CTIF: variants seen among roughly 807,000 people sequenced by gnomAD.
The protein encoded by CTIF is cap binding complex dependent translation initiation factor.
CTIF carries 21 observed loss-of-function variants against 66.0 expected under a neutral mutation model. The ratio of observed to expected loss-of-function variants is 0.32; its 90% CI spans 0.23 to 0.46. CTIF has a LOEUF of 0.46. Ranked by LOEUF, CTIF falls within the 20% of genes least tolerant of loss-of-function variation. The probability of loss-of-function intolerance (pLI) is 1.00; values close to 1 mark genes in which losing one functional copy is unlikely to be tolerated. For missense variants in CTIF, 739 were observed against 812.7 expected (o/e 0.91, Z 1.10); for synonymous variants, 345 against 326.4 (o/e 1.06, Z -0.62).
intron 9 of CTIF, among the ~76,000 whole-genome samples, chr18:48,807,600 A>G (rs1465484883): frequency 2.0e-4 from 18 of 89,408 alleles, no homozygotes. Context: ...TTTTTTTTTG[A>G]GACAGAGTCT....
At chr18:48,859,272 C>A in intron 11 of CTIF, 72 bp from the exon 12 acceptor site, 2 of 1,308,682 alleles carry the variant, frequency 1.5e-6, no homozygotes, top group Non-Finnish European at 2.2e-6. Context: ...CTATCCCTGC[C>A]CACCTAATCA....
chr18:48,666,569 C>A (rs117888384), intron 5 of CTIF, among the ~76,000 whole-genome samples: 2,456 of 152,314 alleles, frequency 0.016, 24 homozygotes, highest in Middle Eastern at 0.027. Flanking sequence ...TGGGGAGAGG[C>A]CCATCACTTG....
chr18:48,612,689 G>A (rs531428485), intron 1 of CTIF, among the ~76,000 whole-genome samples: 174 of 152,306 alleles, frequency 1.1e-3, no homozygotes, highest in Middle Eastern at 6.8e-3. Context: ...CCACAGCTCC[G>A]ATGCCACCTC....
intron 9 of CTIF, among the ~76,000 whole-genome samples, chr18:48,812,892 T>G (rs2146299375): frequency 6.6e-6 from 1 of 152,362 alleles, no homozygotes; most frequent in Admixed American, 6.5e-5. Context: ...TTATTTTCAG[T>G]GAGAAAGTTT....
rs1468736114 is a variant in CTIF at position 48,730,712 on chromosome 18, C to CTTCTGCGGTGTGAGGAGCCCCT, written c.584+19017_584+19018insTTCTGCGGTGTGAGGAGCCCCT. Among the ~76,000 whole-genome samples the CTTCTGCGGTGTGAGGAGCCCCT allele has an allele frequency of 3.4e-4, 24 of 71,232 alleles. 1 individual carries two copies. The highest frequency in any genetic ancestry group is 1.6e-3 in the African/African-American group (23 of 14,376). 46.7% of individuals were successfully genotyped at this position (71,232 alleles called of 152,430 possible). ...GAGCCCCTGAGGTGTGAGGGGCTTCCGCGGTGTGAGGGGCTTCCGTGGTGT... is the reference window on the plus strand; with the variant it reads ...GAGCCCCTGAGGTGTGAGGGGCTTCCTTCTGCGGTGTGAGGAGCCCCTGCGGTGTGAGGGGCTTCCGTGGTGT... On this transcript the variant is annotated intron_variant, in intron 7 of 11. Coordinates refer to ENST00000256413, the MANE Select transcript of CTIF (RefSeq NM_014772.3).
chr18:48,664,649 C>T, intron 5 of CTIF, 98 bp downstream of exon 5: 1 of 1,023,896 alleles, frequency 9.8e-7, no homozygotes, highest in Non-Finnish European at 1.5e-6. Flanking sequence ...ACAGGGGACT[C>T]AGGTGGCTGA....
chr18:48,745,825 A>G (rs933798528), intron 7 of CTIF, among the ~76,000 whole-genome samples: 2 of 152,140 alleles, frequency 1.3e-5, no homozygotes, highest in African/African-American at 4.8e-5. Context: ...GGGTTCCACT[A>G]TGCATGAAGC....
chr18:48,580,531 C>T (rs77106069), intron 1 of CTIF, among the ~76,000 whole-genome samples: 2,536 of 152,304 alleles, frequency 0.017, 81 homozygotes, highest in African/African-American at 0.058. Context: ...ACCTGTGTTG[C>T]TTTCTACACA....
intron 7 of CTIF, among the ~76,000 whole-genome samples, chr18:48,727,955 T>C (rs1198400427): frequency 6.6e-6 from 1 of 152,226 alleles, no homozygotes; most frequent in Non-Finnish European, 1.5e-5. Flanking sequence ...CCTGGATTTT[T>C]TTTTATTGTG....
At chr18:48,692,284 G>A (rs577335512) in intron 6 of CTIF, among the ~76,000 whole-genome samples, 3 of 151,566 alleles carry the variant, frequency 2.0e-5, no homozygotes, top group Non-Finnish European at 4.4e-5. Flanking sequence ...GCCACTCTGG[G>A]TGTTCATGGG....
chr18:48,592,412 G>A (rs1330157089), intron 1 of CTIF, among the ~76,000 whole-genome samples: 1 of 151,334 alleles, frequency 6.6e-6, no homozygotes, highest in Admixed American at 6.6e-5. Context: ...CAAGAGAATC[G>A]CTTGAACCCA....
At chr18:48,784,827 G>T (rs1361991704) in intron 9 of CTIF, among the ~76,000 whole-genome samples, 1 of 152,196 alleles carries the variant, frequency 6.6e-6, no homozygotes, top group East Asian at 1.9e-4. Context: ...GAGGACCGCT[G>T]GGCAGAGAAA....
chr18:48,715,773 T>C (rs1032101581), intron 7 of CTIF, among the ~76,000 whole-genome samples: 1 of 152,210 alleles, frequency 6.6e-6, no homozygotes, highest in Non-Finnish European at 1.5e-5. Context: ...TTTAAAGGCA[T>C]GCCTTTGGTG....
intron 1 of CTIF, among the ~76,000 whole-genome samples, chr18:48,577,362 C>A (rs909157545): frequency 2.6e-5 from 4 of 152,192 alleles, no homozygotes; most frequent in African/African-American, 4.8e-5. Context: ...ATGCGCCGTT[C>A]CTTCCCCGGC....
chr18:48,560,169 C>T (rs1015873642), intron 1 of CTIF, among the ~76,000 whole-genome samples: 9 of 151,602 alleles, frequency 5.9e-5, no homozygotes, highest in Non-Finnish European at 1.3e-4. Context: ...AGATTCAAGA[C>T]GGTGGGGACA....
intron 9 of CTIF, among the ~76,000 whole-genome samples, chr18:48,795,175 G>T (rs2067886943): frequency 6.6e-6 from 1 of 152,138 alleles, no homozygotes; most frequent in Non-Finnish European, 1.5e-5. Context: ...TTACTTGAAG[G>T]ATACTGTGTC....
At chr18:48,847,533 C>G (rs556098244) in intron 10 of CTIF, among the ~76,000 whole-genome samples, 1 of 152,268 alleles carries the variant, frequency 6.6e-6, no homozygotes, top group Admixed American at 6.5e-5. Flanking sequence ...GTGGCCTTTC[C>G]CTGTCTCCAC....
At chr18:48,603,827 G>T (rs182160479) in intron 1 of CTIF, among the ~76,000 whole-genome samples, 388 of 151,668 alleles carry the variant, frequency 2.6e-3, no homozygotes, top group African/African-American at 9.0e-3. Context: ...TCCAGATTCA[G>T]TGGGAGCCTA....
At chr18:48,664,351 G>C in intron 4 of CTIF, 96 bp from the exon 5 acceptor site, 1 of 1,120,846 alleles carries the variant, frequency 8.9e-7, no homozygotes, top group Non-Finnish European at 1.3e-6. Flanking sequence ...CCTTTCTGCG[G>C]ATCTGCTCTG....
Sources: gnomAD v4.1 joint callset for allele counts (sites outside exome capture counted in the v4.1 genomes callset) on GRCh38, gnomAD v4.1.1 for gene constraint, MANE v1.5 for transcripts, NCBI Gene and HGNC (gene_info 2026-07-23, HGNC 2026-07-21) for gene names.